FARP1: variants seen among roughly 807,000 people sequenced by gnomAD.
The protein encoded by FARP1 is FERM, ARH/RhoGEF and pleckstrin domain protein 1, also known as FERM, ARHGEF and pleckstrin domain-containing protein 1.
In FARP1, 52 loss-of-function variants were observed where a neutral mutation model predicts 128.8. That is an observed-to-expected ratio of 0.40 (90% CI 0.32 to 0.51). The LOEUF (loss-of-function observed/expected upper bound fraction) is 0.51. Ranked by LOEUF, FARP1 falls within the 20% of genes least tolerant of loss-of-function variation. The pLI, the probability that FARP1 is intolerant of heterozygous loss-of-function variation, is 0.45. For synonymous variants in FARP1, 580 were observed against 551.8 expected (o/e 1.05, Z -0.72); for missense variants, 1,333 against 1,367.9 (o/e 0.97, Z 0.40).
intron 3 of FARP1, among the ~76,000 whole-genome samples, chr13:98,353,752 A>T (rs1888532602): frequency 6.6e-6 from 1 of 152,218 alleles, no homozygotes; most frequent in Non-Finnish European, 1.5e-5. Flanking sequence ...AAAAAGGTAT[A>T]CAGCAGAATA....
At position 98,454,302 on chromosome 13, in the gene FARP1, G is replaced by A. The variant is rs1228172329; in HGVS notation, c.*5985G>A. ...AGATTGTCTTCAGAAGACAACAAAG[G>A]GTGAGAACGGGGTCCCCTCATGACC... On this transcript the variant is annotated 3_prime_UTR_variant, in exon 27 of 27. Coordinates refer to ENST00000319562, the MANE Select transcript of FARP1 (RefSeq NM_005766.4). 6.6e-6 allele frequency: 1 copy of A among 152,108 alleles called. No homozygotes were observed. The highest frequency in any genetic ancestry group is 2.4e-5 in the African/African-American group (1 of 41,400). The allele number at this position is 152,108 out of a possible 1,614,324, so 9.4% of individuals were successfully genotyped here. A position where few individuals can be genotyped will look rare whatever the true frequency, so the allele number is the denominator to read the frequency against.
At chr13:98,189,649 T>G (rs533428630) in intron 1 of FARP1, among the ~76,000 whole-genome samples, 1 of 152,222 alleles carries the variant, frequency 6.6e-6, no homozygotes, top group African/African-American at 2.4e-5. Flanking sequence ...AGGGAGAATA[T>G]TTACTTATTA....
intron 2 of FARP1, among the ~76,000 whole-genome samples, chr13:98,256,989 A>AG (rs1883648889): frequency 7.8e-6 from 1 of 127,682 alleles, no homozygotes; most frequent in Non-Finnish European, 1.6e-5. Context: ...ATATATATAT[A>AG]TACCGAAAGA....
intron 2 of FARP1, among the ~76,000 whole-genome samples, chr13:98,285,992 C>G (rs1202844333): frequency 6.6e-6 from 1 of 152,148 alleles, no homozygotes; most frequent in Non-Finnish European, 1.5e-5. Flanking sequence ...ATGTATGCCG[C>G]TTCCTCTTTG....
chr13:98,230,680 C>T (rs1292871549), intron 2 of FARP1, among the ~76,000 whole-genome samples: 1 of 152,026 alleles, frequency 6.6e-6, no homozygotes, highest in African/African-American at 2.4e-5. Flanking sequence ...GGTGCGTGTT[C>T]CTCACTTTCT....
intron 1 of FARP1, among the ~76,000 whole-genome samples, chr13:98,212,348 GC>G (rs1835750325): frequency 6.6e-6 from 1 of 152,150 alleles, no homozygotes; most frequent in Admixed American, 6.5e-5. Context: ...GAGCCACCGT[GC>G]CTGGCTGGGA....
At chr13:98,225,521 T>C (rs1409514824) in intron 2 of FARP1, among the ~76,000 whole-genome samples, 2 of 152,366 alleles carry the variant, frequency 1.3e-5, no homozygotes, top group Middle Eastern at 3.4e-3. Context: ...AGAGTGTTTC[T>C]TCTTCGTTTC....
chr13:98,320,492 C>G (rs1454805635), intron 2 of FARP1, among the ~76,000 whole-genome samples: 1 of 152,184 alleles, frequency 6.6e-6, no homozygotes, highest in East Asian at 1.9e-4. Context: ...GTACTCACTT[C>G]TCCTTTAACC....
At chr13:98,288,467 A>G (rs1020898053) in intron 2 of FARP1, among the ~76,000 whole-genome samples, 2 of 152,062 alleles carry the variant, frequency 1.3e-5, no homozygotes, top group African/African-American at 4.8e-5. Flanking sequence ...AAGCACTATT[A>G]CTTCCTTGGA....
At chr13:98,243,464 G>C (rs1474285557) in intron 2 of FARP1, among the ~76,000 whole-genome samples, 2 of 151,884 alleles carry the variant, frequency 1.3e-5, no homozygotes, top group Admixed American at 6.5e-5. Context: ...GGAAGGCTGA[G>C]GGGGGTGGAT....
intron 5 of FARP1, among the ~76,000 whole-genome samples, chr13:98,371,120 C>T (rs1161626262): frequency 6.6e-6 from 1 of 151,992 alleles, no homozygotes; most frequent in Non-Finnish European, 1.5e-5. Flanking sequence ...GAATAAGTAG[C>T]ATCGGTAGCG....
Position 98,395,401 on chromosome 13 carries a change from C to G in FARP1, c.1339C>G (p.Pro447Ala). Residue 447 changes from proline to alanine, a missense_variant, in exon 13 of 27, where the codon CCC becomes GCC. Pro to Ala is a conservative substitution (Grantham distance 27). Around this residue, in one of 2 missense-constraint regions of FARP1, gnomAD observed 1,009 missense variants for 969.8 expected, o/e 1.04. Coordinates refer to ENST00000319562, the MANE Select transcript of FARP1 (RefSeq NM_005766.4). The stretch of plus-strand genomic sequence containing the variant: ...GCAGGCGGACGGAGCCGCCTCGGCG[C>G]CCACGGAGGAAGAGGAGGAGGTCGT... ...NKQADGAASA[P>A]TEEEEEVVKD... 6.2e-7 allele frequency: 1 copy of G among 1,611,442 alleles called. No homozygotes were observed. The highest frequency in any genetic ancestry group is 8.5e-7 in the Non-Finnish European group (1 of 1,178,860).
In FARP1 at chr13:98,450,352, A is replaced by T. The variant is rs1335328090; in HGVS notation, c.*2035A>T. The T allele has an allele frequency of 6.6e-6, 1 of 152,190 alleles. No individual in the cohort carries two copies. Among genetic ancestry groups the T allele is most frequent in the East Asian group, 1.9e-4 (1 of 5,196 alleles). The allele number at this position is 152,190 out of a possible 1,614,324, so 9.4% of individuals were successfully genotyped here. A position where few individuals can be genotyped will look rare whatever the true frequency, so the allele number is the denominator to read the frequency against. On this transcript the variant is annotated 3_prime_UTR_variant, in exon 27 of 27. Transcript: ENST00000319562. ...AGGGAAATATAAAAAATGTTTATAA[A>T]CTGACAGTGTTTTGCCAGAGGAAAG...
Position 98,413,846 on chromosome 13 carries a change from T to A in FARP1, c.1826+1812T>A, listed in dbSNP as rs151200302. Reference sequence around the variant, plus strand: ...AGTTTGTTCTCTGGCCAGCGAGACATGTGTTAGTACCGTCTTAGGCAAATC... The same window carrying A: ...AGTTTGTTCTCTGGCCAGCGAGACAAGTGTTAGTACCGTCTTAGGCAAATC... On this transcript the variant is annotated intron_variant, in intron 16 of 26. Transcript: ENST00000319562. Among the ~76,000 whole-genome samples, 14 of 152,270 alleles carry A rather than the reference T, an allele frequency of 9.2e-5. No homozygotes were observed. In the East Asian group the frequency reaches 2.7e-3, roughly 29 times the overall value.
chr13:98,256,948 G>GGTATATATGTATATAT (rs59128917), intron 2 of FARP1, among the ~76,000 whole-genome samples: 1 of 77,076 alleles, frequency 1.3e-5, no homozygotes, highest in Non-Finnish European at 2.7e-5. Context: ...TATATATGTG[G>GGTATATATGTATATAT]ATATATATAT....
At chr13:98,286,143 G>A (rs886449089) in intron 2 of FARP1, among the ~76,000 whole-genome samples, 3 of 152,120 alleles carry the variant, frequency 2.0e-5, no homozygotes, top group African/African-American at 7.2e-5. Context: ...AAACCTGCGT[G>A]GCCCATGGGT....
chr13:98,152,540 ATT>A (rs2139095630), intron 1 of FARP1, among the ~76,000 whole-genome samples: 1 of 152,266 alleles, frequency 6.6e-6, no homozygotes, highest in Non-Finnish European at 1.5e-5. Context: ...TAAATGCATC[ATT>A]GAGTCATTTA....
At chr13:98,189,134 C>G (rs1425018568) in intron 1 of FARP1, among the ~76,000 whole-genome samples, 6 of 152,148 alleles carry the variant, frequency 3.9e-5, no homozygotes, top group Admixed American at 3.9e-4. Context: ...TGGGAATGTA[C>G]TCCTTAACAA....
At chr13:98,279,208 T>C (rs746877582) in intron 2 of FARP1, among the ~76,000 whole-genome samples, 3 of 152,144 alleles carry the variant, frequency 2.0e-5, no homozygotes, top group Admixed American at 6.5e-5. Flanking sequence ...ATAGAAAAAA[T>C]TGCTCATGAA....
Sources: gnomAD v4.1 joint callset for allele counts (sites outside exome capture counted in the v4.1 genomes callset) on GRCh38, gnomAD v4.1.1 for gene constraint, gnomAD v4.1.1 regional missense constraint, MANE v1.5 for transcripts, NCBI Gene and HGNC (gene_info 2026-07-23, HGNC 2026-07-21) for gene names.